Variants in MYH15 observed in about 807,000 individuals in gnomAD.
MYH15 encodes the protein myosin-15.
MYH15 carries 227 observed loss-of-function variants against 240.5 expected under a neutral mutation model. The ratio of observed to expected loss-of-function variants is 0.94; its 90% CI spans 0.85 to 1.05. The LOEUF is 1.05. MYH15 is among the 50% of genes least tolerant of loss of function. The pLI, the probability that MYH15 is intolerant of heterozygous loss-of-function variation, is 0.00. For synonymous variants in MYH15, 785 were observed against 796.7 expected (o/e 0.99, Z 0.25); for missense variants, 2,217 against 2,247.5 (o/e 0.99, Z 0.27).
chr3:108,541,394 A>T, the MYH15 span, among the ~76,000 whole-genome samples: 1 of 152,016 alleles, frequency 6.6e-6, no homozygotes, highest in African/African-American at 2.4e-5. Flanking sequence ...TTGAAAAAAA[A>T]TTTGCAATTT....
At chr3:108,392,600 A>G (rs1412553221) in intron 36 of MYH15, among the ~76,000 whole-genome samples, 1 of 152,190 alleles carries the variant, frequency 6.6e-6, no homozygotes, top group African/African-American at 2.4e-5. Flanking sequence ...TCAGGTTACC[A>G]ACCATCTGCA....
At chr3:108,414,187 T>A in intron 30 of MYH15, 45 bp downstream of exon 30, 1 of 1,570,434 alleles carries the variant, frequency 6.4e-7, no homozygotes, top group Non-Finnish European at 8.7e-7. Context: ...CTCATACTGC[T>A]CCATGTGAGT....
intron 19 of MYH15, among the ~76,000 whole-genome samples, chr3:108,456,311 A>T (rs984417026): frequency 6.6e-6 from 1 of 152,148 alleles, no homozygotes; most frequent in Admixed American, 6.6e-5. Flanking sequence ...ACTTTGCTCA[A>T]ATTGATTTGA....
intron 25 of MYH15, among the ~76,000 whole-genome samples, chr3:108,436,772 C>T (rs2082841642): frequency 6.6e-6 from 1 of 152,138 alleles, no homozygotes; most frequent in South Asian, 2.1e-4. Context: ...CTCTTGACCT[C>T]GTGATCCACC....
intron 36 of MYH15, among the ~76,000 whole-genome samples, chr3:108,393,391 C>T (rs997200572): frequency 4.6e-5 from 7 of 152,212 alleles, no homozygotes; most frequent in African/African-American, 1.4e-4. Context: ...TTCCGCTAAC[C>T]ATGCCCGCTG....
At chr3:108,547,721 A>G in the MYH15 span, among the ~76,000 whole-genome samples, 2 of 152,212 alleles carry the variant, frequency 1.3e-5, no homozygotes, top group Non-Finnish European at 2.9e-5. Context: ...TTTTCAGTAC[A>G]TTATAAAATT....
chr3:108,401,779 G>C (rs2082507756), intron 33 of MYH15, among the ~76,000 whole-genome samples: 1 of 152,166 alleles, frequency 6.6e-6, no homozygotes, highest in Admixed American at 6.5e-5. Context: ...AAAGTGAGAT[G>C]GTTTAAAAGG....
chr3:108,463,965 A>C (rs1312650025), intron 15 of MYH15, among the ~76,000 whole-genome samples: 2 of 152,170 alleles, frequency 1.3e-5, no homozygotes, highest in African/African-American at 2.4e-5. Context: ...ACATTCAAAA[A>C]AAAAACCAGC....
At chr3:108,400,370 A>G (rs1418596766) in intron 33 of MYH15, among the ~76,000 whole-genome samples, 1 of 152,226 alleles carries the variant, frequency 6.6e-6, no homozygotes, top group Admixed American at 6.5e-5. Flanking sequence ...CAATTCATGA[A>G]ACAGGGACCT....
intron 9 of MYH15, among the ~76,000 whole-genome samples, chr3:108,492,129 C>T (rs562653513): frequency 2.0e-5 from 3 of 151,906 alleles, no homozygotes; most frequent in South Asian, 2.1e-4. Flanking sequence ...CACTATGATG[C>T]TATTTCCCTC....
chr3:108,537,684 C>T, the MYH15 span, among the ~76,000 whole-genome samples: 2 of 152,142 alleles, frequency 1.3e-5, no homozygotes, highest in East Asian at 1.9e-4. Context: ...TTACAAATTA[C>T]CTCGTCTGTT....
chr3:108,491,241 G>A (rs952097454), intron 9 of MYH15, among the ~76,000 whole-genome samples: 2 of 151,964 alleles, frequency 1.3e-5, no homozygotes, highest in Non-Finnish European at 2.9e-5. Flanking sequence ...TAGACTATAA[G>A]CTCATATGGG....
At chr3:108,395,552 AG>A (rs2082453250) in intron 35 of MYH15, among the ~76,000 whole-genome samples, 1 of 152,192 alleles carries the variant, frequency 6.6e-6, no homozygotes, top group Non-Finnish European at 1.5e-5. Context: ...GTTTGTACAT[AG>A]AATCCTTTAA....
At chr3:108,483,062 T>C (rs1308159451) in intron 11 of MYH15, among the ~76,000 whole-genome samples, 1 of 151,860 alleles carries the variant, frequency 6.6e-6, no homozygotes, top group Non-Finnish European at 1.5e-5. Context: ...AGTGTAGTGG[T>C]GCACCTGTAA....
At chr3:108,415,313 T>C (rs1205545980) in intron 29 of MYH15, among the ~76,000 whole-genome samples, 1 of 152,140 alleles carries the variant, frequency 6.6e-6, no homozygotes, top group African/African-American at 2.4e-5. Flanking sequence ...AAGGTTTAGT[T>C]AATGGCAGCC....
At chr3:108,399,706 A>G (rs1396859389) in intron 33 of MYH15, among the ~76,000 whole-genome samples, 1 of 152,218 alleles carries the variant, frequency 6.6e-6, no homozygotes, top group Non-Finnish European at 1.5e-5. Flanking sequence ...GGCAGGAAAA[A>G]GCCACTCAGG....
At chr3:108,499,204 G>C (rs916723084) in intron 5 of MYH15, among the ~76,000 whole-genome samples, 1 of 152,154 alleles carries the variant, frequency 6.6e-6, no homozygotes, top group Non-Finnish European at 1.5e-5. Context: ...ATTAAGACCA[G>C]CTTGTGCACT....
intron 23 of MYH15, among the ~76,000 whole-genome samples, chr3:108,440,571 T>C (rs1443340539): frequency 2.0e-5 from 3 of 151,804 alleles, no homozygotes; most frequent in Non-Finnish European, 4.4e-5. Flanking sequence ...AAACAAAACA[T>C]GAAAGCCCTT....
the MYH15 span, among the ~76,000 whole-genome samples, chr3:108,546,095 C>T: frequency 1.3e-5 from 2 of 152,084 alleles, no homozygotes; most frequent in Non-Finnish European, 2.9e-5. Flanking sequence ...CATCTTTTTT[C>T]ACATCGTTTT....
Sources: allele counts gnomAD v4.1 joint callset (sites outside exome capture counted in the v4.1 genomes callset), GRCh38; gene constraint gnomAD v4.1.1; transcripts MANE v1.5; gene names NCBI Gene and HGNC (gene_info 2026-07-23, HGNC 2026-07-21).